Variants in CALN1 observed in about 807,000 individuals in gnomAD.
CALN1 encodes the protein calcium-binding protein 8.
Under a neutral mutation model 30.6 loss-of-function variants are expected in CALN1, and 17 were observed. The observed-to-expected ratio is 0.56, with a 90% CI of 0.38 to 0.83. The LOEUF is 0.83. Ranked by LOEUF, CALN1 falls within the 40% of genes least tolerant of loss-of-function variation. CALN1 has a pLI of 0.00. For missense variants in CALN1, 291 were observed against 354.9 expected (o/e 0.82, Z 1.45); for synonymous variants, 156 against 131.4 (o/e 1.19, Z -1.28).
chr7:72,054,234 C>A (rs1177681615), intron 4 of CALN1, among the ~76,000 whole-genome samples: 1 of 151,730 alleles, frequency 6.6e-6, no homozygotes, highest in South Asian at 2.1e-4. Flanking sequence ...TTTTCCGTAG[C>A]GGCTGTACTA....
chr7:72,399,495 T>C (rs1053469871), intron 2 of CALN1, among the ~76,000 whole-genome samples: 2 of 152,008 alleles, frequency 1.3e-5, no homozygotes, highest in Non-Finnish European at 2.9e-5. Flanking sequence ...GGTCTCGATC[T>C]CTTGACCTCG....
At chr7:71,935,851 G>A (rs1270171683) in intron 5 of CALN1, among the ~76,000 whole-genome samples, 6 of 152,282 alleles carry the variant, frequency 3.9e-5, no homozygotes, top group South Asian at 4.1e-4. Flanking sequence ...TTGAGGTTGC[G>A]GGATGCTTGA....
rs1585525673 is a variant in CALN1 at position 72,336,023 on chromosome 7, C to T, written c.120-57213G>A. Among the ~76,000 whole-genome samples the T allele has an allele frequency of 2.0e-5, 3 of 152,316 alleles. No homozygotes were observed. In the South Asian group the frequency reaches 6.2e-4, roughly 32 times the overall value. ...AAGACGGATCCCACCCCCACCTGGG[C>T]GCCAGACCCATCCAGCTGCTTGGAG... On this transcript the variant is annotated intron_variant, in intron 2 of 6. Transcript: ENST00000395275.
intron 4 of CALN1, among the ~76,000 whole-genome samples, chr7:72,069,892 G>A (rs1259690611): frequency 6.6e-6 from 1 of 152,134 alleles, no homozygotes; most frequent in African/African-American, 2.4e-5. Context: ...CATAATGAGT[G>A]CAAAAGCAGT....
intron 2 of CALN1, among the ~76,000 whole-genome samples, chr7:72,384,030 C>CAA (rs1478754888): frequency 6.6e-6 from 1 of 152,168 alleles, no homozygotes; most frequent in Non-Finnish European, 1.5e-5. Context: ...TTTACAATAG[C>CAA]AAAGACTTGG....
At chr7:71,850,242 G>C (rs1452443220) in intron 5 of CALN1, among the ~76,000 whole-genome samples, 1 of 152,146 alleles carries the variant, frequency 6.6e-6, no homozygotes, top group East Asian at 1.9e-4. Flanking sequence ...TGGAGATGGA[G>C]TCTTGGTCTG....
chr7:72,476,712 A>G, the CALN1 span, among the ~76,000 whole-genome samples: 3 of 152,158 alleles, frequency 2.0e-5, no homozygotes, highest in African/African-American at 2.4e-5. Context: ...TCTTCAAACT[A>G]TGCATTCATT....
chr7:71,815,051 T>C (rs1023087004), intron 5 of CALN1, among the ~76,000 whole-genome samples: 1 of 152,084 alleles, frequency 6.6e-6, no homozygotes, highest in African/African-American at 2.4e-5. Context: ...GCCAGGATGG[T>C]CTGGATCTCC....
At chr7:71,878,813 T>C (rs1479598150) in intron 5 of CALN1, among the ~76,000 whole-genome samples, 1 of 152,186 alleles carries the variant, frequency 6.6e-6, no homozygotes, top group Non-Finnish European at 1.5e-5. Context: ...ACCCCTGCTG[T>C]CCTTCCCTCC....
intron 2 of CALN1, among the ~76,000 whole-genome samples, chr7:72,360,369 G>A (rs1803498831): frequency 6.6e-6 from 1 of 152,020 alleles, no homozygotes; most frequent in Non-Finnish European, 1.5e-5. Context: ...AGAAACAAAT[G>A]TGCAGGATAT....
intron 5 of CALN1, among the ~76,000 whole-genome samples, chr7:71,934,065 C>T (rs1584545022): frequency 6.6e-6 from 1 of 152,130 alleles, no homozygotes; most frequent in East Asian, 1.9e-4. Context: ...ATTGAAGCTC[C>T]CTATTTGAAA....
chr7:72,021,495 C>T (rs1352231718), intron 5 of CALN1, among the ~76,000 whole-genome samples: 4 of 152,114 alleles, frequency 2.6e-5, no homozygotes. Flanking sequence ...CCTATTGGTC[C>T]TTGCAAGTGT....
chr7:72,086,668 A>G (rs1319538633), intron 4 of CALN1, among the ~76,000 whole-genome samples: 1 of 152,170 alleles, frequency 6.6e-6, no homozygotes. Flanking sequence ...TCCTGACCTC[A>G]AGTGATCCAC....
intron 3 of CALN1, among the ~76,000 whole-genome samples, chr7:72,178,303 G>A (rs2129545876): frequency 6.6e-6 from 1 of 152,042 alleles, no homozygotes; most frequent in African/African-American, 2.4e-5. Context: ...GAAAGAAAAG[G>A]CAATGGGAAG....
intron 3 of CALN1, among the ~76,000 whole-genome samples, chr7:72,130,001 A>C (rs1416880947): frequency 6.6e-6 from 1 of 152,104 alleles, no homozygotes; most frequent in African/African-American, 2.4e-5. Context: ...GGGGTGAGTG[A>C]GTTCTTGCTT....
chr7:72,451,134 A>T (rs1341948838), upstream of CALN1, among the ~76,000 whole-genome samples: 1 of 148,728 alleles, frequency 6.7e-6, no homozygotes, highest in African/African-American at 2.5e-5. Context: ...AGAGATAGAG[A>T]AGAAGAAGGA....
chr7:71,893,747 T>A (rs1302146354), intron 5 of CALN1, among the ~76,000 whole-genome samples: 1 of 151,770 alleles, frequency 6.6e-6, no homozygotes, highest in African/African-American at 2.4e-5. Flanking sequence ...GAGGCTATTC[T>A]CGGGATGTCA....
intron 5 of CALN1, among the ~76,000 whole-genome samples, chr7:71,945,799 C>T (rs1330455056): frequency 1.3e-5 from 2 of 152,156 alleles, no homozygotes; most frequent in Non-Finnish European, 2.9e-5. Context: ...TTATATATTA[C>T]AATGTAATAA....
chr7:71,878,073 C>T, intron 5 of CALN1, among the ~76,000 whole-genome samples: 1 of 152,128 alleles, frequency 6.6e-6, no homozygotes, highest in East Asian at 1.9e-4. Flanking sequence ...ATGGTGGCTG[C>T]TGGGCTAAGG....
Sources: gnomAD v4.1 joint callset for allele counts (sites outside exome capture counted in the v4.1 genomes callset) on GRCh38, gnomAD v4.1.1 for gene constraint, MANE v1.5 for transcripts, NCBI Gene and HGNC (gene_info 2026-07-23, HGNC 2026-07-21) for gene names.